Variants in ZBTB20 observed in about 807,000 individuals in gnomAD.
ZBTB20 encodes zinc finger and BTB domain containing 20.
In ZBTB20, 9 loss-of-function variants were observed where a neutral mutation model predicts 56.9. That is an observed-to-expected ratio of 0.16 (90% confidence interval 0.10 to 0.28). The LOEUF is 0.28. Ranked by LOEUF, ZBTB20 falls within the 10% of genes least tolerant of loss-of-function variation. ZBTB20 has a pLI of 1.00. For synonymous variants in ZBTB20, 417 were observed against 420.7 expected (o/e 0.99, Z 0.11); for missense variants, 655 against 1,003.0 (o/e 0.65, Z 4.69).
At chr3:114,638,505 A>C (rs1344680456) in intron 6 of ZBTB20, among the ~76,000 whole-genome samples, 1 of 152,134 alleles carries the variant, frequency 6.6e-6, no homozygotes, top group East Asian at 1.9e-4. Context: ...CCAAAGTAAT[A>C]ATAGTAACAT....
At chr3:114,785,083 T>A (rs1454494829) in intron 5 of ZBTB20, among the ~76,000 whole-genome samples, 1 of 152,180 alleles carries the variant, frequency 6.6e-6, no homozygotes, top group Non-Finnish European at 1.5e-5. Flanking sequence ...AATATCAGAA[T>A]AGTCTGACCC....
At chr3:114,547,780 T>C (rs1246158923) in intron 6 of ZBTB20, among the ~76,000 whole-genome samples, 3 of 152,240 alleles carry the variant, frequency 2.0e-5, no homozygotes, top group Non-Finnish European at 4.4e-5. Context: ...ATAAGACTTG[T>C]GCAAGGTTTA....
chr3:114,855,640 G>A (rs676183), intron 4 of ZBTB20, among the ~76,000 whole-genome samples: 147,915 of 152,240 alleles, frequency 0.97, 72,020 homozygotes, highest in East Asian at 1. Context: ...ATCCTCATCC[G>A]TCATTACATG....
chr3:114,839,129 G>A (rs928111458), intron 4 of ZBTB20, among the ~76,000 whole-genome samples: 1 of 152,036 alleles, frequency 6.6e-6, no homozygotes, highest in Non-Finnish European at 1.5e-5. Context: ...GGCTTGCCTC[G>A]CTGTCTCATG....
rs1312744879 is a variant in ZBTB20, at chr3:114,351,058, G to A, written c.1020C>T (p.Tyr340=). The A allele has an allele frequency of 2.5e-6, 4 of 1,611,448 alleles. No homozygotes were observed. The highest frequency in any genetic ancestry group is 2.2e-5 in the South Asian group (2 of 90,972). The part of the protein sequence containing the change: ...KQEMEDDYDY[Y]GQQRVQILER... The stretch of plus-strand genomic sequence containing the variant: ...CCAGGATCTGCACCCTTTGCTGCCC[G>A]TAGTAGTCGTAATCGTCCTCCATCT... The change falls in exon 11 of 12, where the codon TAC becomes TAT. Residue 340 remains tyrosine, a synonymous_variant. Transcript: ENST00000675478.
At chr3:114,947,976 A>C (rs1312906829) in intron 3 of ZBTB20, among the ~76,000 whole-genome samples, 2 of 145,792 alleles carry the variant, frequency 1.4e-5, no homozygotes, top group Non-Finnish European at 2.9e-5. Flanking sequence ...TAATATAACT[A>C]TGCAAAGAAA....
intron 7 of ZBTB20, among the ~76,000 whole-genome samples, chr3:114,438,786 A>T (rs1185820121): frequency 1.3e-5 from 2 of 152,198 alleles, no homozygotes; most frequent in Admixed American, 1.3e-4. Flanking sequence ...ATTTCAGGAC[A>T]GCAACAGAAG....
intron 4 of ZBTB20, among the ~76,000 whole-genome samples, chr3:114,856,923 G>A (rs1207030162): frequency 6.6e-6 from 1 of 152,094 alleles, no homozygotes; most frequent in East Asian, 1.9e-4. Flanking sequence ...AATAGAAGAG[G>A]AGGAAGAAAA....
chr3:114,501,957 C>G (rs561738287), intron 6 of ZBTB20, among the ~76,000 whole-genome samples: 1 of 152,046 alleles, frequency 6.6e-6, no homozygotes, highest in Non-Finnish European at 1.5e-5. Context: ...ATCCACCCAC[C>G]TTGGCCTCCC....
chr3:114,639,470 T>G, intron 6 of ZBTB20, among the ~76,000 whole-genome samples: 1 of 90,646 alleles, frequency 1.1e-5, no homozygotes, highest in Admixed American at 1.3e-4. Flanking sequence ...ATTTCATTAG[T>G]TTTTTTTTTT....
chr3:115,136,473 T>TGCA (rs763958287), intron 1 of ZBTB20, among the ~76,000 whole-genome samples: 1,614 of 152,182 alleles, frequency 0.011, 11 homozygotes, highest in South Asian at 0.025. Context: ...TGCAGTTAAG[T>TGCA]GTACTATAAT....
rs1045727041 is a variant in ZBTB20, at chr3:114,623,678, T to G, written c.-295+69850A>C. Reference sequence around the variant, plus strand: ...CCTGCTTAGCTAGGCATGTAAGTACTGTGAGCATAATGTAAATACTCAGAA... The same window carrying G: ...CCTGCTTAGCTAGGCATGTAAGTACGGTGAGCATAATGTAAATACTCAGAA... On this transcript the variant is annotated intron_variant, in intron 6 of 11. Transcript: ENST00000675478. Among the ~76,000 whole-genome samples, 3 of 152,312 alleles carry G rather than the reference T, an allele frequency of 2.0e-5. No homozygotes were observed. In the East Asian group the frequency reaches 5.8e-4, roughly 29 times the overall value.
chr3:114,381,623 T>G (rs2084352764), intron 8 of ZBTB20, among the ~76,000 whole-genome samples: 1 of 152,234 alleles, frequency 6.6e-6, no homozygotes, highest in South Asian at 2.1e-4. Flanking sequence ...TTGTTGTAAG[T>G]AGATTTGTTT....
intron 4 of ZBTB20, among the ~76,000 whole-genome samples, chr3:114,882,064 A>T (rs778814537): frequency 8.6e-5 from 13 of 151,910 alleles, no homozygotes; most frequent in Admixed American, 3.9e-4. Flanking sequence ...TACTACAGAA[A>T]ATTTATTTTC....
chr3:114,785,090 A>T (rs1253441540), intron 5 of ZBTB20, among the ~76,000 whole-genome samples: 4 of 152,162 alleles, frequency 2.6e-5, no homozygotes, highest in Non-Finnish European at 5.9e-5. Context: ...GAATAGTCTG[A>T]CCCCAAAAGA....
intron 5 of ZBTB20, among the ~76,000 whole-genome samples, chr3:114,731,063 C>A (rs2065702389): frequency 6.6e-6 from 1 of 152,090 alleles, no homozygotes; most frequent in Non-Finnish European, 1.5e-5. Flanking sequence ...GTATTTTATT[C>A]TTGTAGGTTT....
chr3:115,146,981 A>T (rs967205114), intron 1 of ZBTB20, among the ~76,000 whole-genome samples: 1 of 147,500 alleles, frequency 6.8e-6, no homozygotes, highest in African/African-American at 2.5e-5. Context: ...GCGCCGGGGG[A>T]GGGGGCGCGG....
intron 5 of ZBTB20, among the ~76,000 whole-genome samples, chr3:114,761,217 G>A (rs2068415228): frequency 6.6e-6 from 1 of 152,102 alleles, no homozygotes; most frequent in South Asian, 2.1e-4. Flanking sequence ...TATATACTGA[G>A]CACTTATCAG....
Position 114,334,795 on chromosome 3 carries a change from A to C in ZBTB20, c.*4210T>G, listed in dbSNP as rs2079392496. The C allele has an allele frequency of 6.6e-6, 1 of 152,230 alleles. No homozygotes were observed. The highest frequency in any genetic ancestry group is 2.4e-5 in the African/African-American group (1 of 41,456). 9.4% of individuals were successfully genotyped at this position (152,230 alleles called of 1,614,324 possible). A position where few individuals can be genotyped will look rare whatever the true frequency, so the allele number is the denominator to read the frequency against. Reference sequence around the variant, plus strand: ...TTCAAAGCATTAGGAATTTGGGAAGAGAACGGTCTATAAAACTGTTATTAG... The same window carrying C: ...TTCAAAGCATTAGGAATTTGGGAAGCGAACGGTCTATAAAACTGTTATTAG... On this transcript the variant is annotated 3_prime_UTR_variant, in exon 12 of 12. Coordinates refer to ENST00000675478, the MANE Select transcript of ZBTB20 (RefSeq NM_001348800.3).
Sources: allele counts gnomAD v4.1 joint callset (sites outside exome capture counted in the v4.1 genomes callset), GRCh38; gene constraint gnomAD v4.1.1; transcripts MANE v1.5; gene names NCBI Gene and HGNC (gene_info 2026-07-23, HGNC 2026-07-21).